G3BP1: variants seen among roughly 807,000 people sequenced by gnomAD.
The protein encoded by G3BP1 is ras GTPase-activating protein-binding protein 1.
G3BP1 carries 35 observed loss-of-function variants against 58.6 expected under a neutral mutation model. The observed-to-expected ratio is 0.60, with a 90% CI of 0.46 to 0.79. The LOEUF is 0.79. Among genes scored for constraint, G3BP1 ranks in the 30% least tolerant of loss-of-function variants. The pLI, the probability that G3BP1 is intolerant of heterozygous loss-of-function variation, is 0.00. For synonymous variants in G3BP1, 191 were observed against 195.4 expected, an observed-to-expected ratio of 0.98 and a Z score of 0.19; for missense variants, 523 against 580.8, an observed-to-expected ratio of 0.90 and a Z score of 1.02.
At position 151,804,387 on chromosome 5, in the gene G3BP1, T is replaced by A; in HGVS notation, c.*296T>A. 1 of 183,290 alleles carries A rather than the reference T, an allele frequency of 5.5e-6. No homozygotes were observed. Among genetic ancestry groups the A allele is most frequent in the East Asian group, 1.2e-4 (1 of 8,066 alleles). 11.4% of individuals were successfully genotyped at this position (183,290 alleles called of 1,614,324 possible). ...CTTACTTTGCATATACAGACTGGATTTTTTTTTTTTTTTTACAGCCATTTC... is the reference window on the plus strand; with the variant it reads ...CTTACTTTGCATATACAGACTGGATATTTTTTTTTTTTTTACAGCCATTTC... On this transcript the variant is annotated 3_prime_UTR_variant, in exon 12 of 12. Transcript: ENST00000356245.
intron 1 of G3BP1, among the ~76,000 whole-genome samples, chr5:151,773,327 G>T (rs1762310190): frequency 8.4e-6 from 1 of 119,136 alleles, no homozygotes. Context: ...CCCAGTTACA[G>T]TATACTATTT....
At chr5:151,776,330 C>T (rs908975087) in intron 1 of G3BP1, among the ~76,000 whole-genome samples, 3 of 152,008 alleles carry the variant, frequency 2.0e-5, no homozygotes, top group African/African-American at 7.3e-5. Flanking sequence ...GTTTTTTTCC[C>T]CTTTAGATAC....
chr5:151,801,358 T>A (rs1217252318), intron 11 of G3BP1, among the ~76,000 whole-genome samples: 1 of 152,222 alleles, frequency 6.6e-6, no homozygotes, highest in Non-Finnish European at 1.5e-5. Flanking sequence ...ACAGTACTCT[T>A]ACTCTGTACG....
chr5:151,803,791 G>A, intron 11 of G3BP1, 94 bp from the exon 12 acceptor site: 1 of 852,260 alleles, frequency 1.2e-6, no homozygotes, highest in Non-Finnish European at 1.9e-6. Flanking sequence ...ACCGTGCCCA[G>A]CCTCTGCTGG....
Position 151,795,544 on chromosome 5 carries a change from T to G in G3BP1, c.508T>G (p.Ser170Ala). The change falls in exon 6 of 12, where the codon TCT becomes GCT. Residue 170 changes from serine (S) to alanine (A), a missense_variant. Ser to Ala is a moderately conservative substitution (Grantham distance 99). Around this residue, in one of 2 missense-constraint regions of G3BP1, gnomAD observed 398 missense variants for 399.1 expected, o/e 1.00. Transcript: ENST00000356245. ...AACACCTGAGGTGGTACCTGATGAT[T>G]CTGGAACTTTCTATGATCAGGCAGT... The part of the protein sequence containing the change: ...QQTPEVVPDD[S>A]GTFYDQAVVS... 6.2e-7 allele frequency: 1 copy of G among 1,604,864 alleles called. No homozygotes were observed. The highest frequency in any genetic ancestry group is 8.5e-7 in the Non-Finnish European group (1 of 1,172,046).
At position 151,790,278 on chromosome 5, in the gene G3BP1, T is replaced by TG. The variant is rs548921616; in HGVS notation, c.96-45_96-44insG. 1.5e-3 allele frequency: 1,615 copies of TG among 1,069,332 alleles called. 2 individuals are homozygous for TG. The highest frequency in any genetic ancestry group is 1.8e-3 in the Non-Finnish European group (1,270 of 720,442). 66.2% of individuals were successfully genotyped at this position (1,069,332 alleles called of 1,614,324 possible). ...CAGTATCAGACGTGAAAAATAAACT[T>TG]AAGATACTTGAAGATGACAAGTAAA... On this transcript the variant is annotated intron_variant, in intron 2 of 11. Transcript: ENST00000356245.
chr5:151,777,176 T>A (rs1762386689), intron 1 of G3BP1, among the ~76,000 whole-genome samples: 1 of 152,240 alleles, frequency 6.6e-6, no homozygotes, highest in African/African-American at 2.4e-5. Context: ...TGTTGGCTTC[T>A]GTATTCATGT....
rs1444190813 is a variant in G3BP1 at position 151,783,681 on chromosome 5, A to AT, written c.-49-2879dup. On this transcript the variant is annotated intron_variant, in intron 1 of 11. Transcript: ENST00000356245. Reference sequence around the variant, plus strand: ...GCTGGGATTACAGGCGCCAGCCCCAATTTTTTTTTTTTAACTGAGAATAAC... The same window carrying AT: ...GCTGGGATTACAGGCGCCAGCCCCAATTTTTTTTTTTTTAACTGAGAATAAC... Among the ~76,000 whole-genome samples the AT allele has an allele frequency of 5.0e-3, 731 of 147,090 alleles. 4 individuals are homozygous for AT. The highest frequency in any genetic ancestry group is 0.016 in the African/African-American group (658 of 40,406).
chr5:151,790,926 A>G lies in G3BP1; in HGVS notation c.215A>G (p.Asn72Ser), dbSNP rs778621081. ...HRKVMSQNFT[N>S]CHTKIRHVDA... ...AAAGTGATGTCACAAAACTTCACCA[A>G]CTGCCACACCAAGATTCGCCATGTT... The change falls in exon 4 of 12, where the codon AAC becomes AGC. Residue 72 changes from asparagine (N) to serine (S), a missense_variant. Physicochemically the swap from Asn to Ser is conservative, Grantham distance 46. This residue lies in a region of G3BP1 where 398 missense variants were observed against 399.1 expected (regional missense o/e 1.00). Coordinates refer to ENST00000356245, the MANE Select transcript of G3BP1 (RefSeq NM_005754.3). The G allele has an allele frequency of 1.9e-6, 3 of 1,608,740 alleles. No homozygotes were observed. The highest frequency in any genetic ancestry group is 4.5e-5 in the East Asian group (2 of 44,858).
At chr5:151,776,946 T>C (rs1762382287) in intron 1 of G3BP1, among the ~76,000 whole-genome samples, 1 of 151,794 alleles carries the variant, frequency 6.6e-6, no homozygotes, top group Admixed American at 6.6e-5. Flanking sequence ...TTCCCTATCT[T>C]ATCTGTTTTT....
chr5:151,809,393 T>C lies in G3BP1; in HGVS notation c.*5302T>C, dbSNP rs1451769034. The C allele has an allele frequency of 6.6e-6, 1 of 152,206 alleles. No homozygotes were observed. The highest frequency in any genetic ancestry group is 1.5e-5 in the Non-Finnish European group (1 of 68,042). 9.4% of individuals were successfully genotyped at this position (152,206 alleles called of 1,614,324 possible). A position where few individuals can be genotyped will look rare whatever the true frequency, so the allele number is the denominator to read the frequency against. ...ATCATTTGGTGCATGCTAAGGTAGC[T>C]TGTAGGACATGTGGTTTTAAAAAAT... On this transcript the variant is annotated 3_prime_UTR_variant, in exon 12 of 12. Coordinates refer to ENST00000356245, the MANE Select transcript of G3BP1 (RefSeq NM_005754.3).
chr5:151,808,024 T>G lies in G3BP1; in HGVS notation c.*3933T>G, dbSNP rs1762963601. 1 of 152,248 alleles carries G rather than the reference T, an allele frequency of 6.6e-6. No individual in the cohort carries two copies. Among genetic ancestry groups the G allele is most frequent in the African/African-American group, 2.4e-5 (1 of 41,466 alleles). 9.4% of individuals were successfully genotyped at this position (152,248 alleles called of 1,614,324 possible). On this transcript the variant is annotated 3_prime_UTR_variant, in exon 12 of 12. Coordinates refer to ENST00000356245, the MANE Select transcript of G3BP1 (RefSeq NM_005754.3). ...CAGCATTTATTTGAATATCAGGTTT[T>G]AGCTAACTGCCTAATGTACCAAAAA...
rs1762461367 is a variant in G3BP1 at position 151,780,997 on chromosome 5, A to G, written c.-49-5575A>G. On this transcript the variant is annotated intron_variant, in intron 1 of 11. Transcript: ENST00000356245. ...GGTATGAACTGCTCAGGTCCACTTG[A>G]GCAGATTTTTTTCAATGAATATATT... Among the ~76,000 whole-genome samples, 4 of 152,152 alleles carry G rather than the reference A, an allele frequency of 2.6e-5. No individual in the cohort carries two copies. In the South Asian group the frequency reaches 6.2e-4, roughly 24 times the overall value.
At chr5:151,781,859 G>A (rs1416081860) in intron 1 of G3BP1, among the ~76,000 whole-genome samples, 3 of 152,190 alleles carry the variant, frequency 2.0e-5, no homozygotes, top group Non-Finnish European at 4.4e-5. Flanking sequence ...GCTATTAGTA[G>A]TTAAAATTTT....
intron 11 of G3BP1, among the ~76,000 whole-genome samples, chr5:151,801,682 A>G (rs1157148408): frequency 1.3e-5 from 2 of 152,092 alleles, no homozygotes; most frequent in Non-Finnish European, 2.9e-5. Flanking sequence ...CTGTCTCCCA[A>G]CCCCTGGCAG....
At chr5:151,782,444 ATGGTTCAGT>A (rs1762484520) in intron 1 of G3BP1, among the ~76,000 whole-genome samples, 1 of 152,210 alleles carries the variant, frequency 6.6e-6, no homozygotes, top group South Asian at 2.1e-4. Flanking sequence ...TTAAATTTGG[ATGGTTCAGT>A]TAGAACTGGT....
Position 151,799,880 on chromosome 5 carries a change from A to G in G3BP1, c.844-9A>G, listed in dbSNP as rs1169451328. On this transcript the variant is annotated splice_polypyrimidine_tract_variant and intron_variant, in intron 8 of 11. Transcript: ENST00000356245. Reference sequence around the variant, plus strand: ...GTTTTAACACAAAAGTTAACTTAAAATTTTTCAGCCCCGTCCAGAGTCTAA... The same window carrying G: ...GTTTTAACACAAAAGTTAACTTAAAGTTTTTCAGCCCCGTCCAGAGTCTAA... 2.6e-6 allele frequency: 4 copies of G among 1,555,466 alleles called. No individual in the cohort carries two copies. Among genetic ancestry groups the G allele is most frequent in the Non-Finnish European group, 3.5e-6 (4 of 1,134,648 alleles).
At chr5:151,801,828 T>A (rs1373756322) in intron 11 of G3BP1, among the ~76,000 whole-genome samples, 1 of 152,046 alleles carries the variant, frequency 6.6e-6, no homozygotes, top group East Asian at 1.9e-4. Context: ...TATTTTTTTT[T>A]TTTTGAGACA....
In G3BP1 at chr5:151,794,143, T is replaced by G. The variant is rs371388322; in HGVS notation, c.352-16T>G. On this transcript the variant is annotated splice_polypyrimidine_tract_variant and intron_variant, in intron 4 of 11. Coordinates refer to ENST00000356245, the MANE Select transcript of G3BP1 (RefSeq NM_005754.3). ...AAGTCTGTTGAATAAATTAAAACTT[T>G]CTGTTGGCATTGCAGGGGTCTGTTG... 5 of 1,494,316 alleles carry G rather than the reference T, an allele frequency of 3.3e-6. No homozygotes were observed. The highest frequency in any genetic ancestry group is 2.8e-6 in the Non-Finnish European group (3 of 1,071,976). The allele number at this position is 1,494,316 out of a possible 1,614,324, so 92.6% of individuals were successfully genotyped here.
Sources: gnomAD v4.1 joint callset for allele counts (sites outside exome capture counted in the v4.1 genomes callset) on GRCh38, gnomAD v4.1.1 for gene constraint, gnomAD v4.1.1 regional missense constraint, MANE v1.5 for transcripts, NCBI Gene and HGNC (gene_info 2026-07-23, HGNC 2026-07-21) for gene names.